HHAT: variants seen among roughly 807,000 people sequenced by gnomAD.
HHAT encodes protein-cysteine N-palmitoyltransferase HHAT.
HHAT carries 47 observed loss-of-function variants against 70.8 expected under a neutral mutation model. That is an observed-to-expected ratio of 0.66 (90% confidence interval 0.53 to 0.85). HHAT has a LOEUF of 0.85. Ranked by LOEUF, HHAT falls within the 40% of genes least tolerant of loss-of-function variation. The pLI is 0.00. For missense variants in HHAT, 609 were observed against 604.8 expected (o/e 1.01, Z -0.07); for synonymous variants, 228 against 247.6 (o/e 0.92, Z 0.74).
At chr1:210,452,913 T>G (rs1266430316) in intron 7 of HHAT, among the ~76,000 whole-genome samples, 1 of 152,224 alleles carries the variant, frequency 6.6e-6, no homozygotes. Flanking sequence ...CTTTGTGGAA[T>G]GTACATTAGA....
In HHAT at chr1:210,329,080, C is replaced by T; in HGVS notation, c.-68C>T. The T allele has an allele frequency of 1.4e-6, 2 of 1,421,256 alleles. No individual in the cohort carries two copies. The highest frequency in any genetic ancestry group is 1.8e-6 in the Non-Finnish European group (2 of 1,086,556). The allele number at this position is 1,421,256 out of a possible 1,614,324, so 88.0% of individuals were successfully genotyped here. On this transcript the variant is annotated 5_prime_UTR_variant, in exon 1 of 12. Coordinates refer to ENST00000261458, the MANE Select transcript of HHAT (RefSeq NM_018194.6). ...TCGCGGCGCGCGTGAACGTTGCCGT[C>T]GCCGCCGCCCGGGACAGCCCGGAGG...
At chr1:210,481,466 A>ACAGCACTT (rs1426433942) in intron 8 of HHAT, among the ~76,000 whole-genome samples, 2 of 152,186 alleles carry the variant, frequency 1.3e-5, no homozygotes, top group East Asian at 1.9e-4. Flanking sequence ...GCAACGCTAG[A>ACAGCACTT]CAGCACTTCA....
intron 7 of HHAT, 70 bp from the exon 8 acceptor site, chr1:210,464,435 G>A: frequency 2.0e-6 from 3 of 1,499,234 alleles, no homozygotes; most frequent in Non-Finnish European, 2.8e-6. Flanking sequence ...TAGCTCCTGG[G>A]GTGTTGGTCT....
At chr1:210,344,273 A>G (rs532396289) in intron 1 of HHAT, among the ~76,000 whole-genome samples, 1 of 48,362 alleles carries the variant, frequency 2.1e-5, no homozygotes, top group African/African-American at 1.2e-4. Flanking sequence ...AAACTATGTT[A>G]TTGTTTCATT....
intron 7 of HHAT, among the ~76,000 whole-genome samples, chr1:210,434,729 A>G (rs1163448443): frequency 1.3e-5 from 2 of 151,866 alleles, no homozygotes; most frequent in African/African-American, 4.9e-5. Context: ...TTTATATTAA[A>G]TAGAAGGGGA....
intron 8 of HHAT, among the ~76,000 whole-genome samples, chr1:210,477,148 A>C (rs1174121727): frequency 2.0e-5 from 3 of 152,168 alleles, no homozygotes; most frequent in Non-Finnish European, 4.4e-5. Flanking sequence ...GACCAGCTCT[A>C]AGGCAGGGAG....
intron 7 of HHAT, among the ~76,000 whole-genome samples, chr1:210,460,892 T>C (rs935382680): frequency 2.6e-5 from 4 of 152,142 alleles, no homozygotes; most frequent in Non-Finnish European, 4.4e-5. Flanking sequence ...GGTGATTCCA[T>C]TTGCCGTACC....
chr1:210,338,864 G>A lies in HHAT; in HGVS notation c.-44+9760G>A, dbSNP rs537906987. On this transcript the variant is annotated intron_variant, in intron 1 of 11. Coordinates refer to ENST00000261458, the MANE Select transcript of HHAT (RefSeq NM_018194.6). ...AGAAATCTGTATTTTTTAGAAATAC[G>A]GGGTAGATTTCAAGGAAAAACACAA... 5.9e-5 allele frequency among the ~76,000 whole-genome samples: 9 copies of A among 152,206 alleles called. No individual in the cohort carries two copies. In the South Asian group the frequency reaches 1.2e-3, roughly 21 times the overall value.
intron 9 of HHAT, among the ~76,000 whole-genome samples, chr1:210,582,006 A>G (rs1054037887): frequency 1.3e-5 from 2 of 152,194 alleles, no homozygotes; most frequent in South Asian, 4.1e-4. Context: ...CATAATAGAC[A>G]CATTTTGGTA....
chr1:210,530,095 C>T (rs2095298683), intron 9 of HHAT, among the ~76,000 whole-genome samples: 1 of 152,056 alleles, frequency 6.6e-6, no homozygotes, highest in African/African-American at 2.4e-5. Context: ...AATGTTTCTG[C>T]TATGATGCAG....
intron 9 of HHAT, among the ~76,000 whole-genome samples, chr1:210,568,751 G>C (rs772521165): frequency 5.3e-5 from 8 of 152,130 alleles, no homozygotes; most frequent in African/African-American, 1.9e-4. Context: ...CAAATGGAGA[G>C]GCTATTTCCT....
rs1011962643 is a variant in HHAT at position 210,667,424 on chromosome 1, A to G, written c.1391-6864A>G. Among the ~76,000 whole-genome samples, 4 of 151,670 alleles carry G rather than the reference A, an allele frequency of 2.6e-5. No homozygotes were observed. In the East Asian group the frequency reaches 5.8e-4, roughly 22 times the overall value. ...TAAATAAATAATTATTTTTTCTCAC[A>G]TCTTTTGTCTGAACACCCTGAGGCA... On this transcript the variant is annotated intron_variant, in intron 11 of 11. Coordinates refer to ENST00000261458, the MANE Select transcript of HHAT (RefSeq NM_018194.6).
At chr1:210,461,522 G>A (rs559207443) in intron 7 of HHAT, among the ~76,000 whole-genome samples, 52 of 151,926 alleles carry the variant, frequency 3.4e-4, no homozygotes, top group Non-Finnish European at 6.0e-4. Context: ...GGATGGTCTC[G>A]ATCTCCTGGC....
intron 9 of HHAT, among the ~76,000 whole-genome samples, chr1:210,523,928 A>G (rs1006896807): frequency 2.6e-5 from 4 of 152,274 alleles, no homozygotes; most frequent in Admixed American, 6.5e-5. Flanking sequence ...AAATGAGAAA[A>G]CAAGTAAGCA....
chr1:210,404,766 T>TTAGAGATGTCAGA, intron 6 of HHAT, 87 bp downstream of exon 6: 1 of 1,066,386 alleles, frequency 9.4e-7, no homozygotes. Flanking sequence ...TTGAGTCGTT[T>TTAGAGATGTCAGA]TGTTCAGAGG....
At chr1:210,472,382 C>A (rs566110876) in intron 8 of HHAT, among the ~76,000 whole-genome samples, 1 of 152,282 alleles carries the variant, frequency 6.6e-6, no homozygotes, top group East Asian at 1.9e-4. Flanking sequence ...AGTGGTGGAG[C>A]TGCGATTTGA....
chr1:210,431,173 T>C (rs1387203752), intron 7 of HHAT, among the ~76,000 whole-genome samples: 1 of 151,832 alleles, frequency 6.6e-6, no homozygotes, highest in Non-Finnish European at 1.5e-5. Flanking sequence ...ACCAACGTGG[T>C]GCTGCTTAAA....
chr1:210,507,369 T>C (rs1157997339), intron 8 of HHAT, among the ~76,000 whole-genome samples: 1 of 148,918 alleles, frequency 6.7e-6, no homozygotes, highest in Non-Finnish European at 1.5e-5. Flanking sequence ...CTTTTTTTTT[T>C]TTTTTTTTTG....
chr1:210,504,091 G>A (rs1043594283), intron 8 of HHAT, among the ~76,000 whole-genome samples: 1 of 152,154 alleles, frequency 6.6e-6, no homozygotes, highest in Non-Finnish European at 1.5e-5. Context: ...TAAGCTATAG[G>A]TTGAGAGAAA....
Sources: gnomAD v4.1 joint callset for allele counts (sites outside exome capture counted in the v4.1 genomes callset) on GRCh38, gnomAD v4.1.1 for gene constraint, MANE v1.5 for transcripts, NCBI Gene and HGNC (gene_info 2026-07-23, HGNC 2026-07-21) for gene names.